Variants in SETBP1 observed in about 807,000 individuals in gnomAD.
SETBP1 encodes SET binding protein 1, also known as SET-binding protein.
In SETBP1, 9 loss-of-function variants were observed where a neutral mutation model predicts 101.0. The observed-to-expected ratio is 0.09, with a 90% CI of 0.05 to 0.16. SETBP1 has a LOEUF of 0.16. Ranked by LOEUF, SETBP1 falls within the 10% of genes least tolerant of loss-of-function variation. SETBP1 has a pLI of 1.00. For missense variants in SETBP1, 1,858 were observed against 2,033.8 expected (o/e 0.91, Z 1.66); for synonymous variants, 818 against 788.5 (o/e 1.04, Z -0.63).
chr18:44,992,616 A>C (rs1473628607), intron 4 of SETBP1, among the ~76,000 whole-genome samples: 1 of 152,102 alleles, frequency 6.6e-6, no homozygotes, highest in Admixed American at 6.5e-5. Flanking sequence ...GCACAGACAT[A>C]GCTTGGGAAA....
intron 3 of SETBP1, among the ~76,000 whole-genome samples, chr18:44,890,140 A>G (rs1470954124): frequency 6.6e-6 from 1 of 152,038 alleles, no homozygotes; most frequent in Admixed American, 6.6e-5. Context: ...TGCAAGTTTC[A>G]AGGATACCAT....
intron 4 of SETBP1, among the ~76,000 whole-genome samples, chr18:44,966,764 G>A (rs1407356307): frequency 6.6e-6 from 1 of 152,140 alleles, no homozygotes; most frequent in Admixed American, 6.5e-5. Context: ...AGAAAGCCCA[G>A]GAGTTAAAGA....
chr18:44,966,528 G>A (rs998393397), intron 4 of SETBP1, among the ~76,000 whole-genome samples: 2 of 151,970 alleles, frequency 1.3e-5, no homozygotes, highest in African/African-American at 4.8e-5. Flanking sequence ...TTTATATTAG[G>A]TAGGGATGTC....
chr18:44,687,444 G>A (rs943658067), intron 1 of SETBP1, among the ~76,000 whole-genome samples: 6 of 152,192 alleles, frequency 3.9e-5, no homozygotes, highest in Non-Finnish European at 8.8e-5. Context: ...TACAGAAAGG[G>A]AAGGTGGTGC....
At chr18:44,749,064 A>G (rs1444095982) in intron 2 of SETBP1, among the ~76,000 whole-genome samples, 1 of 152,204 alleles carries the variant, frequency 6.6e-6, no homozygotes, top group African/African-American at 2.4e-5. Context: ...AAGGGGAGGC[A>G]TTAATGCACA....
chr18:44,762,659 C>T (rs1295015315), intron 2 of SETBP1, among the ~76,000 whole-genome samples: 3 of 152,100 alleles, frequency 2.0e-5, no homozygotes, highest in African/African-American at 7.2e-5. Flanking sequence ...GGGAGTGGTA[C>T]CCAGGGAAGG....
At chr18:45,055,104 G>C (rs2073786708) in intron 5 of SETBP1, among the ~76,000 whole-genome samples, 1 of 152,180 alleles carries the variant, frequency 6.6e-6, no homozygotes, top group African/African-American at 2.4e-5. Context: ...TGTGTTCTTT[G>C]TTTTGAAGGG....
Position 44,811,794 on chromosome 18 carries a change from A to G in SETBP1, c.487-57436A>G, listed in dbSNP as rs866843291. ...AGCCTGCCATGGCTCTGGGTATGCA[A>G]AAGGCCCCAAGTCAAGACCTGTTTC... On this transcript the variant is annotated intron_variant, in intron 2 of 5. Transcript: ENST00000649279. Among the ~76,000 whole-genome samples, 2 of 152,294 alleles carry G rather than the reference A, an allele frequency of 1.3e-5. 1 individual carries two copies. The highest frequency in any genetic ancestry group is 6.8e-3 in the Middle Eastern group (2 of 294).
chr18:44,681,658 G>T (rs1020329561), intron 1 of SETBP1, among the ~76,000 whole-genome samples: 20 of 151,950 alleles, frequency 1.3e-4, no homozygotes, highest in African/African-American at 3.9e-4. Flanking sequence ...AATAGATGAG[G>T]CTAGAGGTAT....
chr18:44,916,100 C>A (rs954827239), intron 3 of SETBP1, among the ~76,000 whole-genome samples: 3 of 152,030 alleles, frequency 2.0e-5, no homozygotes, highest in Admixed American at 1.3e-4. Context: ...GTGGTACGCG[C>A]CTGTAGTCCC....
intron 2 of SETBP1, among the ~76,000 whole-genome samples, chr18:44,800,526 T>C (rs1568152168): frequency 6.6e-6 from 1 of 152,148 alleles, no homozygotes; most frequent in African/African-American, 2.4e-5. Flanking sequence ...AAACCTGTGG[T>C]GCTGGGAAGG....
intron 3 of SETBP1, among the ~76,000 whole-genome samples, chr18:44,934,371 AC>A (rs958442659): frequency 3.6e-4 from 54 of 151,518 alleles, no homozygotes; most frequent in African/African-American, 1.2e-3. Context: ...CTGGTGTTGA[AC>A]TCCTGACCTC....
In SETBP1 at chr18:45,063,457, G is replaced by A; in HGVS notation, c.4550G>A (p.Arg1517Gln). Residue 1517 changes from arginine to glutamine, a missense_variant, in exon 6 of 6, where the codon CGG (arginine) becomes CAG (glutamine). This residue lies in a region of SETBP1 where 178 missense variants were observed against 189.1 expected (regional missense o/e 0.94). Coordinates refer to ENST00000649279, the MANE Select transcript of SETBP1 (RefSeq NM_015559.3). ...ATIEAVIHMAREAPPLPPPPP... is the reference protein window; with the variant it reads ...ATIEAVIHMAQEAPPLPPPPP... ...ATCGAGGCGGTCATCCACATGGCCC[G>A]GGAGGCGCCGCCCCTGCCCCCGCCA... 5 of 1,478,920 alleles carry A rather than the reference G, an allele frequency of 3.4e-6. No homozygotes were observed. Among genetic ancestry groups the A allele is most frequent in the Non-Finnish European group, 4.5e-6 (5 of 1,117,244 alleles). The allele number at this position is 1,478,920 out of a possible 1,614,324, so 91.6% of individuals were successfully genotyped here. A position where few individuals can be genotyped will look rare whatever the true frequency, so the allele number is the denominator to read the frequency against.
At chr18:44,946,727 T>C (rs1180155832) in intron 3 of SETBP1, among the ~76,000 whole-genome samples, 1 of 152,196 alleles carries the variant, frequency 6.6e-6, no homozygotes, top group Non-Finnish European at 1.5e-5. Flanking sequence ...TTCTGGGTGC[T>C]TGGCTTTGTA....
chr18:44,821,903 C>T (rs2072121349), intron 2 of SETBP1, among the ~76,000 whole-genome samples: 1 of 152,246 alleles, frequency 6.6e-6, no homozygotes, highest in Non-Finnish European at 1.5e-5. Flanking sequence ...CTGTCAAGAG[C>T]TGTACCCCAC....
At chr18:44,754,008 T>G (rs2070441852) in intron 2 of SETBP1, among the ~76,000 whole-genome samples, 1 of 152,228 alleles carries the variant, frequency 6.6e-6, no homozygotes, top group South Asian at 2.1e-4. Context: ...TTTCTAATAT[T>G]GCACTGTAAT....
chr18:44,706,716 A>G (rs891436802), intron 2 of SETBP1, among the ~76,000 whole-genome samples: 1 of 150,114 alleles, frequency 6.7e-6, no homozygotes. Flanking sequence ...AGTCAGGGAC[A>G]CCTGTCTAGA....
intron 2 of SETBP1, among the ~76,000 whole-genome samples, chr18:44,803,143 C>T (rs2071643609): frequency 6.6e-6 from 1 of 152,074 alleles, no homozygotes; most frequent in South Asian, 2.1e-4. Flanking sequence ...GAAGGGACAT[C>T]CTTAGGAACC....
At chr18:44,902,998 T>C (rs961641792) in intron 3 of SETBP1, among the ~76,000 whole-genome samples, 1 of 152,130 alleles carries the variant, frequency 6.6e-6, no homozygotes, top group Non-Finnish European at 1.5e-5. Context: ...TAGATTCAAA[T>C]ATAGCTGAAA....
Sources: gnomAD v4.1 joint callset for allele counts (sites outside exome capture counted in the v4.1 genomes callset) on GRCh38, gnomAD v4.1.1 for gene constraint, gnomAD v4.1.1 regional missense constraint, MANE v1.5 for transcripts, NCBI Gene and HGNC (gene_info 2026-07-23, HGNC 2026-07-21) for gene names.